Variants in TP63 observed in about 807,000 individuals in gnomAD.
The protein encoded by TP63 is tumor protein p63.
In TP63, 17 loss-of-function variants were observed where a neutral mutation model predicts 82.8. The ratio of observed to expected loss-of-function variants is 0.21; its 90% CI spans 0.14 to 0.31. The LOEUF (loss-of-function observed/expected upper bound fraction) is 0.31. TP63 is among the 10% of genes least tolerant of loss of function. The pLI is 1.00. For missense variants in TP63, 648 were observed against 895.3 expected (o/e 0.72, Z 3.52); for synonymous variants, 330 against 321.7 (o/e 1.03, Z -0.28).
At chr3:189,674,733 T>A (rs1715237371) in intron 1 of TP63, among the ~76,000 whole-genome samples, 1 of 152,088 alleles carries the variant, frequency 6.6e-6, no homozygotes, top group African/African-American at 2.4e-5. Context: ...AGAGTACAGA[T>A]ATACACATAA....
the TP63 span, among the ~76,000 whole-genome samples, chr3:189,621,426 TTC>T: frequency 1.3e-5 from 2 of 152,060 alleles, no homozygotes; most frequent in East Asian, 1.9e-4. Flanking sequence ...CCAATAAATA[TTC>T]TCTGTATATA....
chr3:189,597,010 A>G, the TP63 span, among the ~76,000 whole-genome samples: 2 of 152,040 alleles, frequency 1.3e-5, no homozygotes, highest in Non-Finnish European at 2.9e-5. Context: ...GAGACCACGA[A>G]CCCACCGTAA....
the TP63 span, among the ~76,000 whole-genome samples, chr3:189,624,291 T>C: frequency 6.6e-6 from 1 of 152,144 alleles, no homozygotes; most frequent in Non-Finnish European, 1.5e-5. Context: ...TCTATACTCA[T>C]TAAGCTACCT....
intron 1 of TP63, among the ~76,000 whole-genome samples, chr3:189,722,597 A>G (rs1719475358): frequency 9.3e-6 from 1 of 107,022 alleles, no homozygotes; most frequent in East Asian, 2.5e-4. Context: ...CACTCCTAGG[A>G]GAGTCCGCAC....
intron 10 of TP63, among the ~76,000 whole-genome samples, chr3:189,876,804 A>G (rs1425695269): frequency 4.6e-5 from 7 of 152,208 alleles, no homozygotes. Context: ...ACAAAGAAAA[A>G]CAAAAATCTA....
At chr3:189,842,828 A>C (rs13326685) in intron 4 of TP63, among the ~76,000 whole-genome samples, 3 of 151,876 alleles carry the variant, frequency 2.0e-5, no homozygotes, top group African/African-American at 4.8e-5. Context: ...CGACCTTAAC[A>C]CGAGTACCTG....
At chr3:189,881,043 A>T (rs1239918016) in intron 10 of TP63, 12 of 985,290 alleles carry the variant, frequency 1.2e-5, no homozygotes, top group African/African-American at 1.7e-5. Context: ...ACCATTATTC[A>T]AAGCTCAAAA....
At chr3:189,841,004 A>G (rs1036897856) in intron 4 of TP63, among the ~76,000 whole-genome samples, 2 of 152,224 alleles carry the variant, frequency 1.3e-5, no homozygotes, top group Non-Finnish European at 1.5e-5. Context: ...ATTTATATAC[A>G]TAAGTTTATA....
chr3:189,646,088 C>G (rs749796761), intron 1 of TP63, among the ~76,000 whole-genome samples: 4 of 147,060 alleles, frequency 2.7e-5, no homozygotes, highest in Admixed American at 2.7e-4. Flanking sequence ...CAGTGGTTCC[C>G]AAGGTGTGAT....
intron 4 of TP63, among the ~76,000 whole-genome samples, chr3:189,808,819 T>A (rs1482394317): frequency 1.3e-5 from 2 of 152,248 alleles, no homozygotes; most frequent in African/African-American, 4.8e-5. Context: ...TAAAGAGCGC[T>A]GTGCCAACAA....
At chr3:189,796,326 T>C (rs559894815) in intron 3 of TP63, among the ~76,000 whole-genome samples, 1 of 152,086 alleles carries the variant, frequency 6.6e-6, no homozygotes, top group East Asian at 1.9e-4. Flanking sequence ...TTTTCCCACA[T>C]CAATATCCTC....
intron 4 of TP63, among the ~76,000 whole-genome samples, chr3:189,859,882 A>G (rs1036097460): frequency 2.6e-5 from 4 of 152,228 alleles, no homozygotes; most frequent in Non-Finnish European, 5.9e-5. Flanking sequence ...ACATAAGATT[A>G]TATACTATAT....
chr3:189,868,058 G>A, intron 7 of TP63, 116 bp downstream of exon 7: 1 of 860,360 alleles, frequency 1.2e-6, no homozygotes, highest in Non-Finnish European at 1.9e-6. Context: ...CTTGTCCTTT[G>A]TGCTCTAAAT....
Position 189,889,405 on chromosome 3 carries a change from C to G in TP63, c.1573C>G (p.Leu525Val). ...GAATGGACTCAGCCCCACCCAGGCA[C>G]TCCCTCCCCCACTCTCCATGCCATC... ...DMNGLSPTQA[L>V]PPPLSMPSTS... is the part of the protein sequence containing the mutation. Residue 525 changes from leucine (L) to valine (V), a missense_variant, in exon 12 of 14, where the codon CTC (leucine) becomes GTC (valine). Transcript: ENST00000264731. 1 of 1,614,118 alleles carries G rather than the reference C, an allele frequency of 6.2e-7. No individual in the cohort carries two copies. Among genetic ancestry groups the G allele is most frequent in the African/African-American group, 1.3e-5 (1 of 75,036 alleles).
chr3:189,852,143 C>T (rs1230658873), intron 4 of TP63, among the ~76,000 whole-genome samples: 3 of 152,172 alleles, frequency 2.0e-5, no homozygotes, highest in African/African-American at 7.2e-5. Context: ...TTTTTAACTC[C>T]TAGTCCAATA....
At chr3:189,817,996 C>CA (rs1728380918) in intron 4 of TP63, among the ~76,000 whole-genome samples, 1 of 151,430 alleles carries the variant, frequency 6.6e-6, no homozygotes, top group African/African-American at 2.4e-5. Context: ...TATATTACTC[C>CA]AATTGAATAA....
chr3:189,626,599 A>G (rs1216558120), upstream of TP63, among the ~76,000 whole-genome samples: 1 of 152,160 alleles, frequency 6.6e-6, no homozygotes, highest in East Asian at 1.9e-4. Flanking sequence ...TTCCTTGGTT[A>G]ACAGAACCTT....
intron 3 of TP63, among the ~76,000 whole-genome samples, chr3:189,750,698 C>T (rs1721749976): frequency 6.6e-6 from 1 of 152,122 alleles, no homozygotes; most frequent in Non-Finnish European, 1.5e-5. Flanking sequence ...TAGTTAACCC[C>T]ACCATTGAGA....
chr3:189,814,983 T>C (rs1728005566), intron 4 of TP63, among the ~76,000 whole-genome samples: 1 of 126,882 alleles, frequency 7.9e-6, no homozygotes, highest in Non-Finnish European at 1.6e-5. Flanking sequence ...AAATAAAGCT[T>C]ATATTTCTTT....
Sources: allele counts gnomAD v4.1 joint callset (sites outside exome capture counted in the v4.1 genomes callset), GRCh38; gene constraint gnomAD v4.1.1; transcripts MANE v1.5; gene names NCBI Gene and HGNC (gene_info 2026-07-23, HGNC 2026-07-21).